Variants in OLFML2A observed in about 807,000 individuals in gnomAD.
OLFML2A encodes the protein olfactomedin-like protein 2A.
A neutral mutation model predicts 60.9 loss-of-function variants in OLFML2A; 47 were observed. That is an observed-to-expected ratio of 0.77 (90% CI 0.61 to 0.98). The LOEUF (loss-of-function observed/expected upper bound fraction) is 0.98, where lower values mean the gene tolerates loss of function less well. Ranked by LOEUF, OLFML2A falls within the 50% of genes least tolerant of loss-of-function variation. The pLI is 0.00. For synonymous variants in OLFML2A, 372 were observed against 375.0 expected (o/e 0.99, Z 0.09); for missense variants, 922 against 879.8 (o/e 1.05, Z -0.61).
In OLFML2A at chr9:124,777,386, G is replaced by A; in HGVS notation, c.90+26G>A. On this transcript the variant is annotated intron_variant, in intron 1 of 7. Coordinates refer to ENST00000373580, the MANE Select transcript of OLFML2A (RefSeq NM_182487.4). This position sits in a 1 kb window ranked among gnomAD's most constrained non-coding sequence, Gnocchi z 6.2. ...GTACGCACGCCCCTCGGACCCGCGC[G>A]GCTCGGCGGGTAGCGGGGCGCGAGG... 8.1e-7 allele frequency: 1 copy of A among 1,233,664 alleles called. No individual in the cohort carries two copies. The highest frequency in any genetic ancestry group is 3.2e-5 in the East Asian group (1 of 30,812). The allele number at this position is 1,233,664 out of a possible 1,614,324, so 76.4% of individuals were successfully genotyped here.
rs1379296909 is a variant in OLFML2A, at chr9:124,809,923, C to A, written c.1470C>A (p.Asp490Glu). 1.2e-6 allele frequency: 2 copies of A among 1,614,222 alleles called. No individual in the cohort carries two copies. The highest frequency in any genetic ancestry group is 8.5e-7 in the Non-Finnish European group (1 of 1,180,042). ...TCACCAAGAACATCATCAAGTACGACCTACGGCAGCGCTTCGTGGCCTCCT... is the reference window on the plus strand; with the variant it reads ...TCACCAAGAACATCATCAAGTACGAACTACGGCAGCGCTTCGTGGCCTCCT... ...RAFTKNIIKY[D>E]LRQRFVASWA... The change falls in exon 8 of 8, where the codon GAC (aspartate) becomes GAA (glutamate). Residue 490 changes from aspartate to glutamate, a missense_variant. Coordinates refer to ENST00000373580, the MANE Select transcript of OLFML2A (RefSeq NM_182487.4).
intron 2 of OLFML2A, among the ~76,000 whole-genome samples, chr9:124,788,989 G>A (rs1271052318): frequency 6.6e-6 from 1 of 152,136 alleles, no homozygotes; most frequent in Non-Finnish European, 1.5e-5. Flanking sequence ...CTGGAGTGCA[G>A]TCGTGCAAAC....
intron 4 of OLFML2A, among the ~76,000 whole-genome samples, chr9:124,800,338 A>T (rs978341208): frequency 1.3e-5 from 2 of 152,220 alleles, no homozygotes; most frequent in African/African-American, 4.8e-5. Flanking sequence ...TGAAGAAGGG[A>T]GCTGACATTT....
Position 124,777,831 on chromosome 9 carries a change from C to G in OLFML2A, c.90+471C>G, listed in dbSNP as rs142271895. On this transcript the variant is annotated intron_variant, in intron 1 of 7. Transcript: ENST00000373580. The surrounding 1 kb of genome is among the most constrained non-coding windows in gnomAD (Gnocchi z 6.2). ...GGCCTCTGATGTTCTTGCCAGGGAC[C>G]GGGTGCACCCCCTGGAGGACTAGGT... 6.6e-6 allele frequency among the ~76,000 whole-genome samples: 1 copy of G among 152,168 alleles called. No homozygotes were observed. Among genetic ancestry groups the G allele is most frequent in the East Asian group, 1.9e-4 (1 of 5,182 alleles).
intron 5 of OLFML2A, among the ~76,000 whole-genome samples, chr9:124,803,128 C>G (rs1418750825): frequency 6.6e-6 from 1 of 151,992 alleles, no homozygotes; most frequent in Non-Finnish European, 1.5e-5. Context: ...AAGCTGGTCT[C>G]GAACTCCTGA....
intron 3 of OLFML2A, among the ~76,000 whole-genome samples, chr9:124,798,489 A>G (rs1224108843): frequency 6.6e-6 from 1 of 151,946 alleles, no homozygotes; most frequent in Non-Finnish European, 1.5e-5. Context: ...CTGCCCTCCA[A>G]GCTGGGCAAC....
chr9:124,788,887 G>T (rs1386062084), intron 2 of OLFML2A, among the ~76,000 whole-genome samples: 1 of 152,194 alleles, frequency 6.6e-6, no homozygotes, highest in Non-Finnish European at 1.5e-5. Flanking sequence ...TTGCTTTCCT[G>T]TCTTCCTTTT....
At chr9:124,788,937 T>G (rs1012834202) in intron 2 of OLFML2A, among the ~76,000 whole-genome samples, 4 of 152,170 alleles carry the variant, frequency 2.6e-5, no homozygotes, top group African/African-American at 9.7e-5. Context: ...TGGTTTTTGC[T>G]TTTTTTCTTT....
At chr9:124,798,347 C>T (rs557358194) in intron 3 of OLFML2A, among the ~76,000 whole-genome samples, 9 of 151,682 alleles carry the variant, frequency 5.9e-5, no homozygotes, top group Non-Finnish European at 7.4e-5. Flanking sequence ...ACTAAAAATA[C>T]GAAAATTAGC....
At position 124,799,332 on chromosome 9, in the gene OLFML2A, C is replaced by T. The variant is rs769488484; in HGVS notation, c.510C>T (p.Ser170=). ...GGGAGAATGAGGTGGTGAAGGACAG[C>T]GTGCGCCACCTCAGTGAGCAGTTGA... ...LSRENEVVKD[S]VRHLSEQLRH... The change falls in exon 4 of 8, where the codon AGC becomes AGT. Residue 170 remains serine, a synonymous_variant. Transcript: ENST00000373580. 15 of 1,613,528 alleles carry T rather than the reference C, an allele frequency of 9.3e-6. No individual in the cohort carries two copies. The highest frequency in any genetic ancestry group is 2.2e-5 in the South Asian group (2 of 91,078).
chr9:124,780,646 A>C (rs1215954170), intron 1 of OLFML2A, among the ~76,000 whole-genome samples: 1 of 152,250 alleles, frequency 6.6e-6, no homozygotes, highest in Non-Finnish European at 1.5e-5. Flanking sequence ...CTGTGAGGCC[A>C]GGCCAAGCCC....
At chr9:124,796,885 A>G (rs776042118) in intron 3 of OLFML2A, among the ~76,000 whole-genome samples, 14 of 152,252 alleles carry the variant, frequency 9.2e-5, no homozygotes, top group Non-Finnish European at 1.2e-4. Context: ...TAAATACCCT[A>G]CAATACACAG....
chr9:124,795,544 C>T (rs1314544677), intron 3 of OLFML2A, among the ~76,000 whole-genome samples: 2 of 152,116 alleles, frequency 1.3e-5, no homozygotes, highest in Non-Finnish European at 1.5e-5. Flanking sequence ...TTTGGGAGGC[C>T]GAGGCAGGCG....
At chr9:124,798,932 C>A (rs138294448) in intron 3 of OLFML2A, among the ~76,000 whole-genome samples, 1 of 151,942 alleles carries the variant, frequency 6.6e-6, no homozygotes, top group Admixed American at 6.6e-5. Context: ...CATGTGTTCC[C>A]GTAAATATAC....
At chr9:124,807,294 C>CTTTTTTTTTTTTTT in intron 6 of OLFML2A, among the ~76,000 whole-genome samples, 1 of 136,160 alleles carries the variant, frequency 7.3e-6, no homozygotes, top group African/African-American at 2.8e-5. Context: ...TCTCCATTCT[C>CTTTTTTTTTTTTTT]TTTTTTTTTT....
chr9:124,809,158 C>T (rs1841954679), intron 7 of OLFML2A, among the ~76,000 whole-genome samples: 1 of 152,042 alleles, frequency 6.6e-6, no homozygotes, highest in African/African-American at 2.4e-5. Flanking sequence ...CAGAGAGAGA[C>T]TCTATCTCGA....
chr9:124,786,239 A>C (rs1474354953), intron 1 of OLFML2A, among the ~76,000 whole-genome samples: 1 of 152,148 alleles, frequency 6.6e-6, no homozygotes, highest in African/African-American at 2.4e-5. Context: ...CCTGAGCAAC[A>C]TGGCAAAACC....
At chr9:124,784,024 A>C (rs1483495891) in intron 1 of OLFML2A, among the ~76,000 whole-genome samples, 1 of 152,000 alleles carries the variant, frequency 6.6e-6, no homozygotes, top group Non-Finnish European at 1.5e-5. Context: ...GTTTCTGGGG[A>C]GGGTATGGCA....
At chr9:124,803,512 G>T (rs1006420693) in intron 5 of OLFML2A, among the ~76,000 whole-genome samples, 10 of 151,924 alleles carry the variant, frequency 6.6e-5, no homozygotes, top group African/African-American at 2.4e-4. Context: ...CGATCTGCCG[G>T]CCTCAGCCTC....
Sources: gnomAD v4.1 joint callset for allele counts (sites outside exome capture counted in the v4.1 genomes callset) on GRCh38, gnomAD v4.1.1 for gene constraint, Gnocchi (gnomAD v3.1) non-coding constraint, MANE v1.5 for transcripts, NCBI Gene and HGNC (gene_info 2026-07-23, HGNC 2026-07-21) for gene names.